SGCZ: variants seen among roughly 807,000 people sequenced by gnomAD.
SGCZ encodes zeta-sarcoglycan.
A neutral mutation model predicts 41.3 loss-of-function variants in SGCZ; 40 were observed. The observed-to-expected ratio is 0.97, with a 90% CI of 0.75 to 1.26. The LOEUF (loss-of-function observed/expected upper bound fraction) is 1.26. Among genes scored for constraint, SGCZ ranks in the 50% most tolerant of loss-of-function variants. SGCZ has a pLI of 0.00. For synonymous variants in SGCZ, 206 were observed against 137.5 expected, an observed-to-expected ratio of 1.50 and a Z score of -3.49; for missense variants, 552 against 369.8, an observed-to-expected ratio of 1.49 and a Z score of -4.04.
chr8:14,409,533 A>G (rs1799304836), intron 2 of SGCZ, among the ~76,000 whole-genome samples: 12 of 152,150 alleles, frequency 7.9e-5, no homozygotes, highest in Admixed American at 7.9e-4. Flanking sequence ...CCTCATAAGA[A>G]CTTATGGGAA....
chr8:14,184,824 T>G (rs1443438006), intron 4 of SGCZ, among the ~76,000 whole-genome samples: 1 of 152,148 alleles, frequency 6.6e-6, no homozygotes, highest in South Asian at 2.1e-4. Flanking sequence ...TAGAGCAAAT[T>G]TTGTTTAACA....
chr8:14,761,596 G>C (rs920462264), intron 1 of SGCZ, among the ~76,000 whole-genome samples: 5 of 150,784 alleles, frequency 3.3e-5, no homozygotes, highest in African/African-American at 1.2e-4. Flanking sequence ...CAGCAGCGTG[G>C]CTCACTGCCA....
intron 1 of SGCZ, among the ~76,000 whole-genome samples, chr8:14,730,323 T>C (rs1810195595): frequency 6.6e-6 from 1 of 152,124 alleles, no homozygotes; most frequent in East Asian, 1.9e-4. Flanking sequence ...TATGGTGATA[T>C]TATCACCATA....
intron 2 of SGCZ, among the ~76,000 whole-genome samples, chr8:14,513,797 C>A (rs941079823): frequency 1.3e-5 from 2 of 152,040 alleles, no homozygotes; most frequent in East Asian, 3.9e-4. Context: ...CCCAATATAT[C>A]GAAATGTATT....
intron 1 of SGCZ, among the ~76,000 whole-genome samples, chr8:15,084,731 A>C (rs1805887229): frequency 6.6e-6 from 1 of 152,144 alleles, no homozygotes; most frequent in South Asian, 2.1e-4. Context: ...CAGCCTGGGC[A>C]ATGGAGTGAG....
intron 1 of SGCZ, among the ~76,000 whole-genome samples, chr8:14,602,902 T>A (rs117741152): frequency 0.017 from 2,604 of 152,152 alleles, 28 homozygotes; most frequent in Middle Eastern, 0.027. Context: ...CACTATCAAC[T>A]AAGGAAATGG....
chr8:14,574,315 C>G (rs1198262990), intron 1 of SGCZ, among the ~76,000 whole-genome samples: 1 of 152,152 alleles, frequency 6.6e-6, no homozygotes, highest in East Asian at 1.9e-4. Context: ...CTTAGGCAAG[C>G]CAAAGAAACA....
chr8:14,202,996 C>T (rs1202421814), intron 4 of SGCZ, among the ~76,000 whole-genome samples: 8 of 152,140 alleles, frequency 5.3e-5, no homozygotes, highest in East Asian at 3.9e-4. Flanking sequence ...TCAGAAGATA[C>T]GATGGTTTTA....
chr8:14,977,122 G>A (rs1457127150), intron 1 of SGCZ, among the ~76,000 whole-genome samples: 1 of 152,136 alleles, frequency 6.6e-6, no homozygotes, highest in East Asian at 1.9e-4. Context: ...TTCACCAAAG[G>A]ATACAGTTTC....
At chr8:14,887,590 A>G (rs1025819177) in intron 1 of SGCZ, among the ~76,000 whole-genome samples, 2 of 152,220 alleles carry the variant, frequency 1.3e-5, no homozygotes, top group South Asian at 4.1e-4. Flanking sequence ...ATACATATAC[A>G]TATACATAAA....
chr8:14,905,832 A>G (rs899725654), intron 1 of SGCZ, among the ~76,000 whole-genome samples: 16 of 152,064 alleles, frequency 1.1e-4, no homozygotes, highest in African/African-American at 3.6e-4. Context: ...ACTCAAAACC[A>G]TTCGTACAAA....
intron 2 of SGCZ, among the ~76,000 whole-genome samples, chr8:14,452,370 C>T (rs1361606946): frequency 6.6e-6 from 1 of 151,888 alleles, no homozygotes; most frequent in Non-Finnish European, 1.5e-5. Flanking sequence ...TGTGTGATAT[C>T]GTAACGGTGG....
intron 3 of SGCZ, among the ~76,000 whole-genome samples, chr8:14,240,531 T>G (rs1798843949): frequency 6.6e-6 from 1 of 151,564 alleles, no homozygotes; most frequent in Non-Finnish European, 1.5e-5. Context: ...GATTAAAATT[T>G]CACTGTGATA....
At chr8:14,982,243 G>A (rs776492531) in intron 1 of SGCZ, among the ~76,000 whole-genome samples, 1 of 152,026 alleles carries the variant, frequency 6.6e-6, no homozygotes, top group Admixed American at 6.6e-5. Flanking sequence ...AGGGCTGCTG[G>A]TTATTGTCTC....
At chr8:14,370,218 C>G (rs1803862436) in intron 2 of SGCZ, among the ~76,000 whole-genome samples, 1 of 151,888 alleles carries the variant, frequency 6.6e-6, no homozygotes, top group Non-Finnish European at 1.5e-5. Flanking sequence ...TCTCAGTTCT[C>G]TGTAAGTTAA....
At chr8:14,353,483 C>A (rs561243076) in intron 2 of SGCZ, among the ~76,000 whole-genome samples, 26 of 152,184 alleles carry the variant, frequency 1.7e-4, no homozygotes, top group Non-Finnish European at 3.7e-4. Context: ...CACTCTGATG[C>A]TTTACAGATA....
At chr8:15,114,174 G>A (rs1807175768) in intron 1 of SGCZ, among the ~76,000 whole-genome samples, 1 of 152,196 alleles carries the variant, frequency 6.6e-6, no homozygotes, top group Admixed American at 6.5e-5. Flanking sequence ...CTCTCTCTAG[G>A]TAATCAAGTT....
chr8:14,941,216 C>T (rs765479277), intron 1 of SGCZ, among the ~76,000 whole-genome samples: 20 of 151,980 alleles, frequency 1.3e-4, no homozygotes, highest in East Asian at 5.8e-4. Flanking sequence ...TTTTGAAAAA[C>T]GCCAAGTTTT....
Position 14,164,610 on chromosome 8 carries a change from T to G in SGCZ, c.517A>C (p.Thr173Pro). ...VLFSADEDEI[T>P]IGAEKLKVTG... Reference sequence around the variant, plus strand: ...ACTTTCAGCTTTTCAGCCCCAATGGTAATCTCATCTTCATCTGCAGAAAAC... The same window carrying G: ...ACTTTCAGCTTTTCAGCCCCAATGGGAATCTCATCTTCATCTGCAGAAAAC... The change falls in exon 5 of 8, where the codon ACC becomes CCC. Residue 173 changes from threonine (T) to proline (P), a missense_variant. Thr to Pro is a conservative substitution (Grantham distance 38, BLOSUM62 -1). Coordinates refer to ENST00000382080, the MANE Select transcript of SGCZ (RefSeq NM_139167.4). The G allele has an allele frequency of 6.2e-7, 1 of 1,613,522 alleles. No individual in the cohort carries two copies. The highest frequency in any genetic ancestry group is 8.5e-7 in the Non-Finnish European group (1 of 1,179,652).
Sources: allele counts gnomAD v4.1 joint callset (sites outside exome capture counted in the v4.1 genomes callset), GRCh38; gene constraint gnomAD v4.1.1; transcripts MANE v1.5; gene names NCBI Gene and HGNC (gene_info 2026-07-23, HGNC 2026-07-21).